Variants in CLNK observed in about 807,000 individuals in gnomAD.
CLNK encodes cytokine-dependent hematopoietic cell linker.
A neutral mutation model predicts 68.6 loss-of-function variants in CLNK; 74 were observed. The observed-to-expected ratio is 1.08, with a 90% confidence interval of 0.89 to 1.31. CLNK has a LOEUF of 1.31. Among genes scored for constraint, CLNK ranks in the 50% most tolerant of loss-of-function variants. The pLI, the probability that CLNK is intolerant of heterozygous loss-of-function variation, is 0.00. For missense variants in CLNK, 553 were observed against 515.3 expected, an observed-to-expected ratio of 1.07 and a Z score of -0.71; for synonymous variants, 198 against 172.2, an observed-to-expected ratio of 1.15 and a Z score of -1.17.
intron 8 of CLNK, among the ~76,000 whole-genome samples, chr4:10,545,266 C>A (rs144700099): frequency 1.3e-5 from 2 of 152,176 alleles, no homozygotes; most frequent in Non-Finnish European, 2.9e-5. Flanking sequence ...TTCCAAGATG[C>A]AATTGTGGGG....
rs1189084583 is a variant in CLNK at position 10,556,435 on chromosome 4, G to A, written c.445+1972C>T. On this transcript the variant is annotated intron_variant, in intron 8 of 18. Coordinates refer to ENST00000226951, the MANE Select transcript of CLNK (RefSeq NM_052964.4). Reference sequence around the variant, plus strand: ...TTATTAACTAATATCTTTGTGAACTGAGGCAAAGGGTAGATAAACATACAG... The same window carrying A: ...TTATTAACTAATATCTTTGTGAACTAAGGCAAAGGGTAGATAAACATACAG... Among the ~76,000 whole-genome samples, 6 of 152,276 alleles carry A rather than the reference G, an allele frequency of 3.9e-5. No homozygotes were observed. In the East Asian group the frequency reaches 1.2e-3, roughly 29 times the overall value.
chr4:10,603,238 G>A (rs938341541), intron 2 of CLNK, among the ~76,000 whole-genome samples: 1 of 152,178 alleles, frequency 6.6e-6, no homozygotes, highest in Non-Finnish European at 1.5e-5. Context: ...TTAAGCCACA[G>A]TTCTCTTTCA....
At chr4:10,591,018 A>C (rs2108840845) in intron 3 of CLNK, among the ~76,000 whole-genome samples, 1 of 152,334 alleles carries the variant, frequency 6.6e-6, no homozygotes, top group African/African-American at 2.4e-5. Context: ...GTCTGATGAC[A>C]CATCTCTCCA....
chr4:10,634,831 G>GAA lies in CLNK; in HGVS notation c.11+33026_11+33027dup, dbSNP rs33933109. 5.4e-3 allele frequency among the ~76,000 whole-genome samples: 823 copies of GAA among 151,972 alleles called. 6 individuals are homozygous for GAA. The highest frequency in any genetic ancestry group is 0.018 in the East Asian group (93 of 5,136). On this transcript the variant is annotated intron_variant, in intron 2 of 18. Transcript: ENST00000226951. ...GAAGGATCTGAGAATATCATTGCTGGAAAAAAAATCTTTGGTAAAATGAGC... is the reference window on the plus strand; with the variant it reads ...GAAGGATCTGAGAATATCATTGCTGGAAAAAAAAAATCTTTGGTAAAATGAGC...
intron 1 of CLNK, among the ~76,000 whole-genome samples, chr4:10,675,731 C>T (rs550162046): frequency 6.6e-6 from 1 of 152,250 alleles, no homozygotes; most frequent in South Asian, 2.1e-4. Flanking sequence ...CTAATAATAT[C>T]TACAAGATAC....
At chr4:10,525,976 A>G (rs1718303163) in intron 13 of CLNK, 54 bp from the exon 14 acceptor site, 1 of 1,031,958 alleles carries the variant, frequency 9.7e-7, no homozygotes, top group Non-Finnish European at 1.5e-6. Context: ...AATAATTGAG[A>G]ACCATTAGAA....
At chr4:10,534,339 C>T (rs751814787) in intron 11 of CLNK, among the ~76,000 whole-genome samples, 6 of 151,780 alleles carry the variant, frequency 4.0e-5, no homozygotes, top group Non-Finnish European at 5.9e-5. Flanking sequence ...CTGAAGATGG[C>T]GAAAAAAACC....
At chr4:10,658,419 A>T (rs1235333410) in intron 2 of CLNK, among the ~76,000 whole-genome samples, 5 of 152,148 alleles carry the variant, frequency 3.3e-5, no homozygotes, top group African/African-American at 1.2e-4. Context: ...ACCACTCCAA[A>T]ACAGTAGCTT....
the CLNK span, among the ~76,000 whole-genome samples, chr4:10,699,256 T>C: frequency 1.6e-4 from 1 of 6,238 alleles, no homozygotes; most frequent in East Asian, 2.8e-3. Flanking sequence ...ACACCACGTA[T>C]GTGTGTATAC....
the CLNK span, among the ~76,000 whole-genome samples, chr4:10,707,258 AAT>A: frequency 2.0e-5 from 3 of 152,204 alleles, no homozygotes; most frequent in African/African-American, 4.8e-5. Flanking sequence ...AAAAACTCAT[AAT>A]GTTTTAAGAA....
chr4:10,733,576 A>G, the CLNK span, among the ~76,000 whole-genome samples: 1 of 152,200 alleles, frequency 6.6e-6, no homozygotes, highest in Non-Finnish European at 1.5e-5. Context: ...ATGATAGCAC[A>G]TTGCTTTCTA....
chr4:10,628,372 C>A (rs925655589), intron 2 of CLNK, among the ~76,000 whole-genome samples: 55 of 151,552 alleles, frequency 3.6e-4, no homozygotes, highest in Middle Eastern at 3.4e-3. Flanking sequence ...CAACTCAAGG[C>A]TACATTCAAA....
At position 10,612,135 on chromosome 4, in the gene CLNK, G is replaced by C. The variant is rs1300570177; in HGVS notation, c.12-14086C>G. Among the ~76,000 whole-genome samples, 5 of 152,326 alleles carry C rather than the reference G, an allele frequency of 3.3e-5. No homozygotes were observed. The South Asian group carries it at 1.0e-3, about 32-fold the overall frequency. ...CTCATTTGATCCTCTCAGTAACCAA[G>C]TGTTGAGAGAGCTGAAGAAACCTAC... is the stretch of plus-strand genomic sequence containing the variant. On this transcript the variant is annotated intron_variant, in intron 2 of 18. Transcript: ENST00000226951.
chr4:10,509,514 C>A (rs1460363116), intron 16 of CLNK, among the ~76,000 whole-genome samples: 2 of 143,664 alleles, frequency 1.4e-5, no homozygotes, highest in Non-Finnish European at 3.0e-5. Context: ...AGATTGGGAC[C>A]AAAAGTCACC....
intron 18 of CLNK, among the ~76,000 whole-genome samples, chr4:10,495,876 A>G (rs1483961976): frequency 6.6e-6 from 1 of 152,062 alleles, no homozygotes; most frequent in African/African-American, 2.4e-5. Context: ...CAGAGACTGG[A>G]GCGACGTGGC....
chr4:10,647,272 A>T (rs891094905), intron 2 of CLNK, among the ~76,000 whole-genome samples: 14 of 152,134 alleles, frequency 9.2e-5, no homozygotes, highest in African/African-American at 3.4e-4. Context: ...AAAAGTGGGG[A>T]CTTAGTACCT....
At chr4:10,530,071 T>G (rs750344007) in intron 12 of CLNK, among the ~76,000 whole-genome samples, 3 of 152,072 alleles carry the variant, frequency 2.0e-5, no homozygotes, top group Non-Finnish European at 4.4e-5. Context: ...CTTTCATTCC[T>G]TCCTTCCGTA....
chr4:10,664,715 T>C (rs1025506643), intron 2 of CLNK, among the ~76,000 whole-genome samples: 2 of 152,232 alleles, frequency 1.3e-5, no homozygotes, highest in African/African-American at 4.8e-5. Flanking sequence ...TCCCTGGTGA[T>C]GCTGACACTG....
chr4:10,616,704 C>A (rs1722238727), intron 2 of CLNK, among the ~76,000 whole-genome samples: 1 of 150,890 alleles, frequency 6.6e-6, no homozygotes, highest in Non-Finnish European at 1.5e-5. Context: ...CTGCATATTT[C>A]ATTATTATTT....
Sources: gnomAD v4.1 joint callset for allele counts (sites outside exome capture counted in the v4.1 genomes callset) on GRCh38, gnomAD v4.1.1 for gene constraint, MANE v1.5 for transcripts, NCBI Gene and HGNC (gene_info 2026-07-23, HGNC 2026-07-21) for gene names.